Variants in SIMC1 observed in about 807,000 individuals in gnomAD.
SIMC1 encodes SUMO interacting motifs containing 1.
SIMC1 carries 55 observed loss-of-function variants against 82.3 expected under a neutral mutation model. That is an observed-to-expected ratio of 0.67 (90% CI 0.54 to 0.84). SIMC1 has a LOEUF of 0.84. Among genes scored for constraint, SIMC1 ranks in the 40% least tolerant of loss-of-function variants. The pLI, the probability that SIMC1 is intolerant of heterozygous loss-of-function variation, is 0.00. For synonymous variants in SIMC1, 353 were observed against 426.3 expected (o/e 0.83, Z 2.12); for missense variants, 915 against 1,107.2 (o/e 0.83, Z 2.46).
chr5:176,324,872 A>T, intron 7 of SIMC1, 115 bp downstream of exon 7: 1 of 1,229,136 alleles, frequency 8.1e-7, no homozygotes, highest in Middle Eastern at 2.7e-4. Context: ...CAGGAACAGA[A>T]TTTTACAAGA....
chr5:176,251,853 C>T (rs1375179079), intron 1 of SIMC1, among the ~76,000 whole-genome samples: 4 of 150,344 alleles, frequency 2.7e-5, no homozygotes, highest in Admixed American at 6.6e-5. Flanking sequence ...ATCCATTTAA[C>T]CCTGAGTGGA....
chr5:176,263,439 A>G (rs1024249400), intron 1 of SIMC1: 140 of 1,546,374 alleles, frequency 9.1e-5, no homozygotes, highest in Non-Finnish European at 1.2e-4. Flanking sequence ...GCATGGCACC[A>G]GCATCTGCTT....
chr5:176,284,777 C>T (rs915999834), intron 1 of SIMC1, among the ~76,000 whole-genome samples: 6 of 151,892 alleles, frequency 4.0e-5, no homozygotes, highest in East Asian at 1.9e-4. Context: ...TTATCACCAC[C>T]GATCCCACAG....
At chr5:176,253,301 T>C (rs1044916221) in intron 1 of SIMC1, among the ~76,000 whole-genome samples, 1 of 152,220 alleles carries the variant, frequency 6.6e-6, no homozygotes, top group Non-Finnish European at 1.5e-5. Flanking sequence ...GCCCTTAATA[T>C]TTTTTCCTTC....
chr5:176,287,313 G>A (rs1763333603), intron 1 of SIMC1, among the ~76,000 whole-genome samples: 1 of 152,290 alleles, frequency 6.6e-6, no homozygotes, highest in South Asian at 2.1e-4. Flanking sequence ...AAAATGATGA[G>A]TTCATGTCCT....
At chr5:176,338,913 A>G (rs112244448) in intron 9 of SIMC1, among the ~76,000 whole-genome samples, 6 of 152,162 alleles carry the variant, frequency 3.9e-5, no homozygotes, top group African/African-American at 1.2e-4. Context: ...TCTTCCTTCT[A>G]TAGAATGGGG....
At position 176,322,359 on chromosome 5, in the gene SIMC1, G is replaced by T. The variant is rs1287032301; in HGVS notation, c.1976G>T (p.Gly659Val). 3.1e-6 allele frequency: 5 copies of T among 1,604,524 alleles called. No homozygotes were observed. Among genetic ancestry groups the T allele is most frequent in the Non-Finnish European group, 3.4e-6 (4 of 1,175,662 alleles). The change falls in exon 6 of 10, where the codon GGA becomes GTA. Residue 659 changes from glycine to valine, a missense_variant. Around this residue, in one of 2 missense-constraint regions of SIMC1, gnomAD observed 902 missense variants for 1,040.3 expected, o/e 0.87. Coordinates refer to ENST00000429602, the MANE Select transcript of SIMC1 (RefSeq NM_001308195.2). ...PNGNQTSSGT[G>V]ILKASSSHPS... is the part of the protein sequence containing the mutation. ...GGAAATCAAACGTCTTCAGGAACAG[G>T]AATCTTGAAAGCCAGCAGTAGCCAC...
At chr5:176,308,246 G>A in intron 4 of SIMC1, 1 of 1,547,704 alleles carries the variant, frequency 6.5e-7, no homozygotes, top group Non-Finnish European at 8.9e-7. Flanking sequence ...AATGCGCACA[G>A]TTGCTGAAAA....
chr5:176,324,841 T>C lies in SIMC1; in HGVS notation c.2171+84T>C, dbSNP rs1765309072. On this transcript the variant is annotated intron_variant, in intron 7 of 9. Coordinates refer to ENST00000429602, the MANE Select transcript of SIMC1 (RefSeq NM_001308195.2). ...TGGAAATCATTTTTATTAAATTAAC[T>C]TTTCTATCTATGCTACCTGTCAGGA... 4 of 1,440,040 alleles carry C rather than the reference T, an allele frequency of 2.8e-6. No homozygotes were observed. In the African/African-American group the frequency reaches 5.8e-5, roughly 21 times the overall value. 89.2% of individuals were successfully genotyped at this position (1,440,040 alleles called of 1,614,324 possible).
At chr5:176,308,191 C>G in intron 4 of SIMC1, 1 of 1,448,878 alleles carries the variant, frequency 6.9e-7, no homozygotes, top group East Asian at 2.3e-5. Context: ...GGGAGTTGAA[C>G]AATGATACAA....
At chr5:176,324,504 T>G in intron 6 of SIMC1, 125 bp from the exon 7 acceptor site, 2 of 912,724 alleles carry the variant, frequency 2.2e-6, no homozygotes, top group Non-Finnish European at 3.1e-6. Context: ...TGACCTTGTG[T>G]GTGCTTTATA....
chr5:176,299,131 C>T lies in SIMC1; in HGVS notation c.1734+2811C>T, dbSNP rs7720185. On this transcript the variant is annotated intron_variant, in intron 4 of 9. Coordinates refer to ENST00000429602, the MANE Select transcript of SIMC1 (RefSeq NM_001308195.2). ...TCTTGTGGCCAGGTGCAATGGCTCACGCCTGTAATTCCAGCACTTTGGGAG... is the reference window on the plus strand; with the variant it reads ...TCTTGTGGCCAGGTGCAATGGCTCATGCCTGTAATTCCAGCACTTTGGGAG... Among the ~76,000 whole-genome samples, 826 of 152,338 alleles carry T rather than the reference C, an allele frequency of 5.4e-3. 9 individuals are homozygous for T. Among genetic ancestry groups the T allele is most frequent in the African/African-American group, 0.019 (793 of 41,576 alleles).
intron 1 of SIMC1, among the ~76,000 whole-genome samples, chr5:176,284,970 A>G (rs1040924905): frequency 6.6e-6 from 1 of 152,198 alleles, no homozygotes; most frequent in Non-Finnish European, 1.5e-5. Flanking sequence ...TAGCCTACCA[A>G]CCAAAAAAAG....
At chr5:176,280,767 C>T (rs115946867) in intron 1 of SIMC1, among the ~76,000 whole-genome samples, 1,950 of 152,324 alleles carry the variant, frequency 0.013, 20 homozygotes, top group Non-Finnish European at 0.017. Flanking sequence ...CCCCCAGTCT[C>T]TTCCGGCTTG....
intron 1 of SIMC1, among the ~76,000 whole-genome samples, chr5:176,259,634 G>A (rs1322489715): frequency 1.3e-5 from 2 of 151,962 alleles, no homozygotes; most frequent in Non-Finnish European, 2.9e-5. Context: ...TTAGCTGGGA[G>A]TGGTGGCACG....
rs1269073892 is a variant in SIMC1, at chr5:176,247,091, T to C, written c.129+8454T>C. On this transcript the variant is annotated intron_variant, in intron 1 of 9. Transcript: ENST00000429602. ...CATACATGTGCATGTGTCTTTATAGTAGAATGATTTATAATCCTTTGGGTA... is the reference window on the plus strand; with the variant it reads ...CATACATGTGCATGTGTCTTTATAGCAGAATGATTTATAATCCTTTGGGTA... Among the ~76,000 whole-genome samples the C allele has an allele frequency of 2.0e-5, 3 of 152,114 alleles. No individual in the cohort carries two copies. In the East Asian group the frequency reaches 5.8e-4, roughly 29 times the overall value.
chr5:176,304,236 C>G (rs1365652753), intron 4 of SIMC1: 1 of 152,674 alleles, frequency 6.5e-6, no homozygotes, highest in Non-Finnish European at 1.5e-5. Flanking sequence ...CTCCCTCTCC[C>G]TCTCATGCGG....
At chr5:176,299,696 C>T (rs1763961235) in intron 4 of SIMC1, among the ~76,000 whole-genome samples, 1 of 152,110 alleles carries the variant, frequency 6.6e-6, no homozygotes, top group East Asian at 1.9e-4. Flanking sequence ...AGATTCAGTA[C>T]CCCACTTTCA....
At chr5:176,279,451 G>C (rs913447665) in intron 1 of SIMC1, among the ~76,000 whole-genome samples, 2 of 151,894 alleles carry the variant, frequency 1.3e-5, no homozygotes, top group African/African-American at 4.8e-5. Flanking sequence ...TTTCTTGAAG[G>C]GTTTTTTGTG....
Sources: allele counts gnomAD v4.1 joint callset (sites outside exome capture counted in the v4.1 genomes callset), GRCh38; gene constraint gnomAD v4.1.1; regional missense constraint gnomAD v4.1.1; transcripts MANE v1.5; gene names NCBI Gene and HGNC (gene_info 2026-07-23, HGNC 2026-07-21).